RNF44: variants seen among roughly 807,000 people sequenced by gnomAD.
RNF44 encodes the protein ring finger protein 44.
RNF44 carries 25 observed loss-of-function variants against 53.6 expected under a neutral mutation model. That is an observed-to-expected ratio of 0.47 (90% confidence interval 0.34 to 0.65). The LOEUF is 0.65. Ranked by LOEUF, RNF44 falls within the 30% of genes least tolerant of loss-of-function variation. RNF44 has a pLI of 0.01. For missense variants in RNF44, 581 were observed against 595.5 expected (o/e 0.98, Z 0.25); for synonymous variants, 282 against 252.2 (o/e 1.12, Z -1.12).
chr5:176,542,249 C>G (rs984876197), upstream of RNF44, among the ~76,000 whole-genome samples: 8 of 152,162 alleles, frequency 5.3e-5, no homozygotes, highest in Non-Finnish European at 7.4e-5. Context: ...GCCCCTGAGG[C>G]CAGCCTGCCC....
chr5:176,528,135 T>C lies in RNF44; in HGVS notation c.*893A>G, dbSNP rs1417452639. On this transcript the variant is annotated 3_prime_UTR_variant, in exon 11 of 11. Transcript: ENST00000274811. ...CGGCCCCCTGGGCACTCGGTCCCAG[T>C]TGGTCCCTATACCCGCCCCTATTAA... is the stretch of plus-strand genomic sequence containing the variant. 1 of 152,306 alleles carries C rather than the reference T, an allele frequency of 6.6e-6. No homozygotes were observed. Among genetic ancestry groups the C allele is most frequent in the South Asian group, 2.1e-4 (1 of 4,820 alleles). 9.4% of individuals were successfully genotyped at this position (152,306 alleles called of 1,614,324 possible).
intron 1 of RNF44, among the ~76,000 whole-genome samples, chr5:176,535,464 AG>A (rs997739443): frequency 2.4e-4 from 37 of 152,222 alleles, no homozygotes; most frequent in African/African-American, 8.4e-4. Flanking sequence ...AAGCCCTGCC[AG>A]GAACAGGGGT....
In RNF44 at chr5:176,526,719, A is replaced by C. The variant is rs986312733; in HGVS notation, c.*2309T>G. 6.6e-6 allele frequency: 1 copy of C among 152,568 alleles called. No individual in the cohort carries two copies. Among genetic ancestry groups the C allele is most frequent in the Non-Finnish European group, 1.5e-5 (1 of 68,038 alleles). The allele number at this position is 152,568 out of a possible 1,614,324, so 9.5% of individuals were successfully genotyped here. On this transcript the variant is annotated 3_prime_UTR_variant, in exon 11 of 11. Transcript: ENST00000274811. ...AGGCAGCGTGGGCGGTCGTTGGTAT[A>C]CATCATACATTTATTAGTGAATATC...
chr5:176,535,635 C>T lies in RNF44; in HGVS notation c.-45+1305G>A, dbSNP rs559391926. On this transcript the variant is annotated intron_variant, in intron 1 of 10. Coordinates refer to ENST00000274811, the MANE Select transcript of RNF44 (RefSeq NM_014901.5). ...GCCATAACTCCTGTGGCATCAGTAG[C>T]TGGAGGAAATCACCTAATCCCGAGT... Among the ~76,000 whole-genome samples the T allele has an allele frequency of 1.8e-4, 27 of 152,338 alleles. No homozygotes were observed. The South Asian group carries it at 5.4e-3, about 30-fold the overall frequency.
At chr5:176,543,084 G>A in the RNF44 span, among the ~76,000 whole-genome samples, 1 of 151,836 alleles carries the variant, frequency 6.6e-6, no homozygotes, top group African/African-American at 2.4e-5. This position sits in a 1 kb window ranked among gnomAD's most constrained non-coding sequence, Gnocchi z 4.0. Flanking sequence ...GAGAAGAGCG[G>A]CGCAGCTCCC....
Position 176,530,760 on chromosome 5 carries a change from C to A in RNF44, c.640-17G>T. The stretch of plus-strand genomic sequence containing the variant: ...CTGGAGGGGCTGGAAGAACCAGCGC[C>A]GGGTCAGCAAGTCAGTGAGACGAGG... On this transcript the variant is annotated splice_polypyrimidine_tract_variant and intron_variant, in intron 5 of 10. Transcript: ENST00000274811. The A allele has an allele frequency of 1.3e-6, 2 of 1,517,620 alleles. No homozygotes were observed. The highest frequency in any genetic ancestry group is 1.4e-5 in the African/African-American group (1 of 69,722). 94.0% of individuals were successfully genotyped at this position (1,517,620 alleles called of 1,614,324 possible).
At position 176,530,889 on chromosome 5, in the gene RNF44, G is replaced by T; in HGVS notation, c.598C>A (p.Leu200Met). 1.4e-6 allele frequency: 2 copies of T among 1,411,896 alleles called. No individual in the cohort carries two copies. The highest frequency in any genetic ancestry group is 5.7e-5 in the East Asian group (2 of 34,874). The allele number at this position is 1,411,896 out of a possible 1,614,324, so 87.5% of individuals were successfully genotyped here. A position where few individuals can be genotyped will look rare whatever the true frequency, so the allele number is the denominator to read the frequency against. The change falls in exon 5 of 11, where the codon CTG (leucine) becomes ATG (methionine). Residue 200 changes from leucine (L) to methionine (M), a missense_variant. By Grantham distance (15) the Leu-to-Met change is conservative. This residue lies in a region of RNF44 where 387 missense variants were observed against 366.0 expected (regional missense o/e 1.06). Coordinates refer to ENST00000274811, the MANE Select transcript of RNF44 (RefSeq NM_014901.5). ...GTCTGCAGAGACACAAACTGCCCCA[G>T]GGGCGCCATGTGGGTGGGCTGGGGG... ...PPPQPTHMAP[L>M]GQFVSLQTQH... is the part of the protein sequence containing the mutation.
chr5:176,532,131 T>C lies in RNF44; in HGVS notation c.170A>G (p.Gln57Arg). 1.9e-6 allele frequency: 3 copies of C among 1,581,704 alleles called. No individual in the cohort carries two copies. The highest frequency in any genetic ancestry group is 2.6e-6 in the Non-Finnish European group (3 of 1,165,934). ...PARDERLPSQ[Q>R]PPSRPPHLPV... The stretch of plus-strand genomic sequence containing the variant: ...GAGGTGTGGAGGTCGGGACGGCGGC[T>C]GCTGGGAGGGTAAGCGCTCATCCCG... The change falls in exon 3 of 11, where the codon CAG (glutamine) becomes CGG (arginine). Residue 57 changes from glutamine (Q) to arginine (R), a missense_variant. Physicochemically the swap from Gln to Arg is conservative, Grantham distance 43. Around this residue, in one of 3 missense-constraint regions of RNF44, gnomAD observed 387 missense variants for 366.0 expected, o/e 1.06. Transcript: ENST00000274811.
chr5:176,539,868 G>A (rs548842136), upstream of RNF44, among the ~76,000 whole-genome samples: 72 of 152,226 alleles, frequency 4.7e-4, no homozygotes, highest in African/African-American at 1.7e-3. Context: ...CCTCTCCCCA[G>A]TCCCTCCTCT....
upstream of RNF44, among the ~76,000 whole-genome samples, chr5:176,541,836 G>A (rs1039344235): frequency 6.6e-6 from 1 of 152,198 alleles, no homozygotes; most frequent in African/African-American, 2.4e-5. Flanking sequence ...GGGACACAGA[G>A]GCTGGGGTAC....
Position 176,530,414 on chromosome 5 carries a change from G to C in RNF44, c.801+168C>G, listed in dbSNP as rs112051696. ...TGCCTCCCAGCCGCCCCGGAGCCCA[G>C]GTGCAAGTCAGCCCAGCAGGCCTGC... On this transcript the variant is annotated intron_variant, in intron 6 of 10. Transcript: ENST00000274811. 2.9e-3 allele frequency among the ~76,000 whole-genome samples: 313 copies of C among 106,492 alleles called. 13 individuals carry two copies. The highest frequency in any genetic ancestry group is 0.02 in the Middle Eastern group (4 of 198). The allele number at this position is 106,492 out of a possible 152,430, so 69.9% of individuals were successfully genotyped here. A position where few individuals can be genotyped will look rare whatever the true frequency, so the allele number is the denominator to read the frequency against.
chr5:176,530,917 T>TGGTGTGGGGGGGGGGGGGGGGGGGGG lies in RNF44; in HGVS notation c.569_570insCCCCCCCCCCCCCCCCCCCCCACACC (p.Gln193ProfsTer89). On this transcript the variant is annotated frameshift_variant, in exon 5 of 11. Transcript: ENST00000274811. LOFTEE classifies it high-confidence loss of function. ...GCGCCATGTGGGTGGGCTGGGGGGG[T>TGGTGTGGGGGGGGGGGGGGGGGGGGG]GGGGCCGGTGGTGGGGGGTGCAGGA... 4.3e-6 allele frequency: 1 copy of TGGTGTGGGGGGGGGGGGGGGGGGGGG among 232,856 alleles called. No homozygotes were observed. The highest frequency in any genetic ancestry group is 7.0e-6 in the Non-Finnish European group (1 of 143,578). 14.4% of individuals were successfully genotyped at this position (232,856 alleles called of 1,614,324 possible). A position where few individuals can be genotyped will look rare whatever the true frequency, so the allele number is the denominator to read the frequency against.
At chr5:176,543,269 G>A in the RNF44 span, among the ~76,000 whole-genome samples, 20 of 146,722 alleles carry the variant, frequency 1.4e-4, no homozygotes, top group Admixed American at 1.3e-3. The surrounding 1 kb of genome is among the most constrained non-coding windows in gnomAD (Gnocchi z 4.0). Context: ...ACCTGGGGCC[G>A]CGGCGGGGCT....
At chr5:176,536,496 G>A (rs981363708) in intron 1 of RNF44, among the ~76,000 whole-genome samples, 2 of 152,196 alleles carry the variant, frequency 1.3e-5, no homozygotes, top group African/African-American at 4.8e-5. Context: ...GTGCTGGGGG[G>A]CCGAGGCGCG....
Position 176,527,449 on chromosome 5 carries a change from G to A in RNF44, c.*1579C>T, listed in dbSNP as rs1756127409. 6.6e-6 allele frequency: 1 copy of A among 152,612 alleles called. No individual in the cohort carries two copies. Among genetic ancestry groups the A allele is most frequent in the African/African-American group, 2.4e-5 (1 of 41,452 alleles). The allele number at this position is 152,612 out of a possible 1,614,324, so 9.5% of individuals were successfully genotyped here. ...CGTTTTGTTGGGGTCGGGAAGGGAG[G>A]GGTTGGAGAGGGTGGTTCTGTGTAA... On this transcript the variant is annotated 3_prime_UTR_variant, in exon 11 of 11. Coordinates refer to ENST00000274811, the MANE Select transcript of RNF44 (RefSeq NM_014901.5).
In RNF44 at chr5:176,531,500, C is replaced by G. The variant is rs1329794828; in HGVS notation, c.428G>C (p.Ser143Thr). 1 of 1,593,114 alleles carries G rather than the reference C, an allele frequency of 6.3e-7. No individual in the cohort carries two copies. Among genetic ancestry groups the G allele is most frequent in the Admixed American group, 1.8e-5 (1 of 56,444 alleles). Residue 143 changes from serine (S) to threonine (T), a missense_variant, in exon 4 of 11, where the codon AGT (serine) becomes ACT (threonine). This residue lies in a region of RNF44 where 387 missense variants were observed against 366.0 expected (regional missense o/e 1.06). Transcript: ENST00000274811. This position sits in a 1 kb window ranked among gnomAD's most constrained non-coding sequence, Gnocchi z 4.2. ...GCAGCAGAGGGGGTAATGCTGCCCA[C>G]TGAACATCACGGAGCATGCTGGGAG... ...QQLPACSVMF[S>T]GQHYPLCCLP...
Position 176,528,635 on chromosome 5 carries a change from G to A in RNF44, c.*393C>T. The A allele has an allele frequency of 8.4e-6, 2 of 236,858 alleles. No homozygotes were observed. The highest frequency in any genetic ancestry group is 8.3e-6 in the Non-Finnish European group (1 of 120,482). 14.7% of individuals were successfully genotyped at this position (236,858 alleles called of 1,614,324 possible). A position where few individuals can be genotyped will look rare whatever the true frequency, so the allele number is the denominator to read the frequency against. The stretch of plus-strand genomic sequence containing the variant: ...CAGAGGGCACGCCATTTCAGAGCAT[G>A]AGACCTTCTGACCCAGGATGGTGCT... On this transcript the variant is annotated 3_prime_UTR_variant, in exon 11 of 11. Coordinates refer to ENST00000274811, the MANE Select transcript of RNF44 (RefSeq NM_014901.5).
At position 176,531,470 on chromosome 5, in the gene RNF44, G is replaced by A. The variant is rs905232529; in HGVS notation, c.458C>T (p.Pro153Leu). 4.5e-6 allele frequency: 7 copies of A among 1,560,342 alleles called. No individual in the cohort carries two copies. The highest frequency in any genetic ancestry group is 1.2e-5 in the South Asian group (1 of 85,078). ...CTAGAAACACTCACTCACCGGGGGC[G>A]GGAGGCAGCAGAGGGGGTAATGCTG... is the stretch of plus-strand genomic sequence containing the variant. ...SGQHYPLCCL[P>L]PPLIQACTMQ... Residue 153 changes from proline (P) to leucine (L), a missense_variant, in exon 4 of 11, where the codon CCG becomes CTG. Physicochemically the swap from Pro to Leu is moderately conservative, Grantham distance 98. This residue lies in a region of RNF44 where 387 missense variants were observed against 366.0 expected (regional missense o/e 1.06). Transcript: ENST00000274811. This position sits in a 1 kb window ranked among gnomAD's most constrained non-coding sequence, Gnocchi z 4.2.
In RNF44 at chr5:176,532,517, C is replaced by G. The variant is rs746810538; in HGVS notation, c.-44-1G>C. ...AGGGGCTGGGCCGGGACTCACAACCCTAGGAGGCAAGGAGACAAGAAGACT... is the reference window on the plus strand; with the variant it reads ...AGGGGCTGGGCCGGGACTCACAACCGTAGGAGGCAAGGAGACAAGAAGACT... On this transcript the variant is annotated splice_acceptor_variant, in intron 1 of 10. Coordinates refer to ENST00000274811, the MANE Select transcript of RNF44 (RefSeq NM_014901.5). LOFTEE classifies it low-confidence loss of function (5UTR_SPLICE). 1 of 1,504,358 alleles carries G rather than the reference C, an allele frequency of 6.6e-7. No homozygotes were observed. The highest frequency in any genetic ancestry group is 8.8e-7 in the Non-Finnish European group (1 of 1,130,748). The allele number at this position is 1,504,358 out of a possible 1,614,324, so 93.2% of individuals were successfully genotyped here.
Sources: allele counts gnomAD v4.1 joint callset (sites outside exome capture counted in the v4.1 genomes callset), GRCh38; gene constraint gnomAD v4.1.1; regional missense constraint gnomAD v4.1.1; non-coding constraint Gnocchi (gnomAD v3.1); transcripts MANE v1.5; gene names NCBI Gene and HGNC (gene_info 2026-07-23, HGNC 2026-07-21).